MAG: variants seen among roughly 807,000 people sequenced by gnomAD.
The protein encoded by MAG is myelin-associated glycoprotein.
MAG carries 30 observed loss-of-function variants against 60.7 expected under a neutral mutation model. The ratio of observed to expected loss-of-function variants is 0.49; its 90% confidence interval spans 0.37 to 0.67. The LOEUF (loss-of-function observed/expected upper bound fraction) is 0.67, where lower values mean the gene tolerates loss of function less well. MAG is among the 30% of genes least tolerant of loss of function. The probability of loss-of-function intolerance (pLI) is 0.00; values close to 1 mark genes in which losing one functional copy is unlikely to be tolerated. For missense variants in MAG, 795 were observed against 851.7 expected, an observed-to-expected ratio of 0.93 and a Z score of 0.83; for synonymous variants, 384 against 376.8, an observed-to-expected ratio of 1.02 and a Z score of -0.22.
chr19:35,296,081 A>T (rs1456747801), intron 4 of MAG, 100 bp downstream of exon 4: 55 of 1,469,424 alleles, frequency 3.7e-5, no homozygotes, highest in Non-Finnish European at 4.9e-5. Flanking sequence ...GCAGGCCTGG[A>T]TGGCAGATCT....
chr19:35,300,418 T>G lies in MAG; in HGVS notation c.970+14T>G. ...TCAGTGTCATGTGTGAGTGGCCCAC[T>G]CTGTGCGTCCACACGCCCACCTGCA... On this transcript the variant is annotated intron_variant, in intron 6 of 10. Coordinates refer to ENST00000392213, the MANE Select transcript of MAG (RefSeq NM_002361.4). The G allele has an allele frequency of 6.5e-7, 1 of 1,550,318 alleles. No homozygotes were observed. The highest frequency in any genetic ancestry group is 8.7e-7 in the Non-Finnish European group (1 of 1,148,180).
rs2066386932 is a variant in MAG, at chr19:35,295,237, A to G, written c.-23-149A>G. 1.4e-6 allele frequency: 1 copy of G among 721,142 alleles called. No individual in the cohort carries two copies. Among genetic ancestry groups the G allele is most frequent in the Non-Finnish European group, 2.3e-6 (1 of 428,720 alleles). The allele number at this position is 721,142 out of a possible 1,614,324, so 44.7% of individuals were successfully genotyped here. A position where few individuals can be genotyped will look rare whatever the true frequency, so the allele number is the denominator to read the frequency against. On this transcript the variant is annotated intron_variant, in intron 2 of 10. Coordinates refer to ENST00000392213, the MANE Select transcript of MAG (RefSeq NM_002361.4). The surrounding 1 kb of genome is among the most constrained non-coding windows in gnomAD (Gnocchi z 5.8). The stretch of plus-strand genomic sequence containing the variant: ...ATTCCAGCCCGGGCAATGAAACAAG[A>G]CCCTGTCTCAGAAAAATAAGTAAAT...
At chr19:35,312,290 G>T (rs748608374) in intron 10 of MAG, 1 of 1,613,640 alleles carries the variant, frequency 6.2e-7, no homozygotes, top group Admixed American at 1.7e-5. Context: ...GTCCAAAGAG[G>T]TTTCTACCCT....
rs994877225 is a variant in MAG at position 35,293,930 on chromosome 19, C to T, written c.-79-305C>T. ...GATGGCTCTGGGTCCCTGCCCGCCA[C>T]CCCCAGGCCCCGGCCGTGGGACATC... On this transcript the variant is annotated intron_variant, in intron 1 of 10. Coordinates refer to ENST00000392213, the MANE Select transcript of MAG (RefSeq NM_002361.4). The surrounding 1 kb of genome is among the most constrained non-coding windows in gnomAD (Gnocchi z 4.0). 1.6e-4 allele frequency among the ~76,000 whole-genome samples: 25 copies of T among 152,044 alleles called. No individual in the cohort carries two copies. The highest frequency in any genetic ancestry group is 6.0e-4 in the African/African-American group (25 of 41,380).
chr19:35,301,604 G>C (rs952101934), intron 6 of MAG, among the ~76,000 whole-genome samples: 9 of 151,952 alleles, frequency 5.9e-5, no homozygotes, highest in South Asian at 4.2e-4. Flanking sequence ...GCTAATTTTT[G>C]TATTTGTAGT....
chr19:35,304,038 A>G (rs2066466922), intron 7 of MAG, among the ~76,000 whole-genome samples: 3 of 152,188 alleles, frequency 2.0e-5, no homozygotes, highest in East Asian at 1.9e-4. Context: ...TCAACATGCA[A>G]AGAATTCAAA....
intron 4 of MAG, among the ~76,000 whole-genome samples, chr19:35,299,342 G>A (rs1599650161): frequency 6.6e-6 from 1 of 152,294 alleles, no homozygotes; most frequent in African/African-American, 2.4e-5. Context: ...TCATTACGAT[G>A]GCGCTCTGGT....
Position 35,310,115 on chromosome 19 carries a change from G to T in MAG, c.1473G>T (p.Arg491Ser). The change falls in exon 8 of 11, where the codon AGG becomes AGT. Residue 491 changes from arginine to serine, a missense_variant. Arg to Ser is a moderately radical substitution (Grantham distance 110). Coordinates refer to ENST00000392213, the MANE Select transcript of MAG (RefSeq NM_002361.4). ...CGCCCCGCGTCATCTGCACCGCGAG[G>T]AACCTCTATGGCGCCAAGAGCCTGG... ...QAPPRVICTARNLYGAKSLEL... is the reference protein window; with the variant it reads ...QAPPRVICTASNLYGAKSLEL... The T allele has an allele frequency of 6.2e-7, 1 of 1,612,184 alleles. No individual in the cohort carries two copies. The highest frequency in any genetic ancestry group is 8.5e-7 in the Non-Finnish European group (1 of 1,178,972).
intron 10 of MAG, 29 bp downstream of exon 10, chr19:35,312,046 G>A: frequency 6.3e-7 from 1 of 1,589,706 alleles, no homozygotes; most frequent in Non-Finnish European, 8.6e-7. Flanking sequence ...GCTGGCCTGG[G>A]AACCTGGATG....
chr19:35,310,199 G>A, intron 8 of MAG, 38 bp downstream of exon 8: 2 of 1,574,918 alleles, frequency 1.3e-6, no homozygotes. Context: ...CCACAGGAGG[G>A]AGCGGGCACG....
intron 9 of MAG, 79 bp from the exon 10 acceptor site, chr19:35,311,839 C>T: frequency 1.0e-6 from 1 of 952,446 alleles, no homozygotes; most frequent in Non-Finnish European, 1.6e-6. Context: ...ACTCTGAGGT[C>T]CCCTGAGCCA....
At chr19:35,311,493 A>G (rs2066526799) in intron 9 of MAG, among the ~76,000 whole-genome samples, 1 of 152,116 alleles carries the variant, frequency 6.6e-6, no homozygotes, top group South Asian at 2.1e-4. Flanking sequence ...AGACAGACAG[A>G]CAGAAAGCCT....
At position 35,313,308 on chromosome 19, in the gene MAG, T is replaced by A; in HGVS notation, c.1735T>A (p.Ser579Thr). ...CTCTTAGAGCGAGAGGCGCCTGGGA[T>A]CTGAGAGGAGGCTGCTGGGCCTTCG... is the stretch of plus-strand genomic sequence containing the variant. ...EKYESERRLG[S>T]ERRLLGLRGE... Residue 579 changes from serine (S) to threonine (T), a missense_variant, in exon 11 of 11, where the codon TCT becomes ACT. Physicochemically the swap from Ser to Thr is moderately conservative, Grantham distance 58. Coordinates refer to ENST00000392213, the MANE Select transcript of MAG (RefSeq NM_002361.4). 2 of 1,613,850 alleles carry A rather than the reference T, an allele frequency of 1.2e-6. No individual in the cohort carries two copies. Among genetic ancestry groups the A allele is most frequent in the Non-Finnish European group, 1.7e-6 (2 of 1,179,900 alleles).
At chr19:35,309,801 G>T in intron 7 of MAG, 73 bp from the exon 8 acceptor site, 2 of 1,532,596 alleles carry the variant, frequency 1.3e-6, no homozygotes, top group South Asian at 2.4e-5. Flanking sequence ...GCCTTGCCTT[G>T]AGCCAAGGAG....
Position 35,309,955 on chromosome 19 carries a change from C to G in MAG, c.1313C>G (p.Pro438Arg), listed in dbSNP as rs1317381575. 1.2e-6 allele frequency: 2 copies of G among 1,614,020 alleles called. No homozygotes were observed. Residue 438 changes from proline (P) to arginine (R), a missense_variant, in exon 8 of 11, where the codon CCG becomes CGG. Pro to Arg is a moderately radical substitution (Grantham distance 103, BLOSUM62 -2). Transcript: ENST00000392213. ...VQCLCVVKSNPEPSVAFELPS... is the reference protein window; with the variant it reads ...VQCLCVVKSNREPSVAFELPS... ...TGCCTGTGCGTGGTGAAGTCCAACC[C>G]GGAGCCGTCCGTGGCCTTTGAGCTG...
chr19:35,296,858 C>T (rs2066401875), intron 4 of MAG, among the ~76,000 whole-genome samples: 1 of 151,618 alleles, frequency 6.6e-6, no homozygotes, highest in Admixed American at 6.6e-5. Flanking sequence ...AAACCACACA[C>T]CACACACTGC....
intron 4 of MAG, among the ~76,000 whole-genome samples, chr19:35,297,229 A>G (rs1482625543): frequency 7.9e-6 from 1 of 127,344 alleles, no homozygotes; most frequent in Non-Finnish European, 1.6e-5. Context: ...CCAAGCACAC[A>G]CCACACACAT....
At position 35,293,410 on chromosome 19, in the gene MAG, C is replaced by A. The variant is rs2066372388; in HGVS notation, c.-79-825C>A. Reference sequence around the variant, plus strand: ...AGCCCATCCCTGTGGGCACAGGGGTCCCTGTGCCTGTCTGTGTGTTCAGGG... The same window carrying A: ...AGCCCATCCCTGTGGGCACAGGGGTACCTGTGCCTGTCTGTGTGTTCAGGG... On this transcript the variant is annotated intron_variant, in intron 1 of 10. Coordinates refer to ENST00000392213, the MANE Select transcript of MAG (RefSeq NM_002361.4). The surrounding 1 kb of genome is among the most constrained non-coding windows in gnomAD (Gnocchi z 4.0). Among the ~76,000 whole-genome samples the A allele has an allele frequency of 6.6e-6, 1 of 151,902 alleles. No individual in the cohort carries two copies. The highest frequency in any genetic ancestry group is 1.5e-5 in the Non-Finnish European group (1 of 67,964).
At position 35,310,045 on chromosome 19, in the gene MAG, T is replaced by C; in HGVS notation, c.1403T>C (p.Leu468Pro). ...REFVYSERSG[L>P]VLTSILTLRG... ...TTCGTGTACTCGGAGCGCAGCGGCCTCGTGCTCACCAGCATCCTCACGCTG... is the reference window on the plus strand; with the variant it reads ...TTCGTGTACTCGGAGCGCAGCGGCCCCGTGCTCACCAGCATCCTCACGCTG... The change falls in exon 8 of 11, where the codon CTC (leucine) becomes CCC (proline). Residue 468 changes from leucine to proline, a missense_variant. Coordinates refer to ENST00000392213, the MANE Select transcript of MAG (RefSeq NM_002361.4). 6.2e-7 allele frequency: 1 copy of C among 1,613,814 alleles called. No homozygotes were observed. Among genetic ancestry groups the C allele is most frequent in the Admixed American group, 1.7e-5 (1 of 60,020 alleles).
Sources: gnomAD v4.1 joint callset for allele counts (sites outside exome capture counted in the v4.1 genomes callset) on GRCh38, gnomAD v4.1.1 for gene constraint, Gnocchi (gnomAD v3.1) non-coding constraint, MANE v1.5 for transcripts, NCBI Gene and HGNC (gene_info 2026-07-23, HGNC 2026-07-21) for gene names.